PKD2L2: variants seen among roughly 807,000 people sequenced by gnomAD.
PKD2L2 encodes polycystin 2 like 2, transient receptor potential cation channel, also known as polycystin-2-like protein 2.
A neutral mutation model predicts 83.9 loss-of-function variants in PKD2L2; 67 were observed. The ratio of observed to expected loss-of-function variants is 0.80; its 90% CI spans 0.66 to 0.98. The LOEUF (loss-of-function observed/expected upper bound fraction) is 0.98, where lower values mean the gene tolerates loss of function less well. PKD2L2 is among the 50% of genes least tolerant of loss of function. The pLI, the probability that PKD2L2 is intolerant of heterozygous loss-of-function variation, is 0.00. For synonymous variants in PKD2L2, 223 were observed against 237.8 expected, an observed-to-expected ratio of 0.94 and a Z score of 0.57; for missense variants, 632 against 717.2, an observed-to-expected ratio of 0.88 and a Z score of 1.36.
intron 14 of PKD2L2, among the ~76,000 whole-genome samples, chr5:137,941,090 G>A (rs1455003842): frequency 1.3e-5 from 2 of 151,742 alleles, no homozygotes; most frequent in Non-Finnish European, 1.5e-5. Context: ...TGTATTTTTC[G>A]GTAGAGACAG....
At chr5:137,891,306 CA>C (rs537336901) in intron 2 of PKD2L2, among the ~76,000 whole-genome samples, 102 of 152,042 alleles carry the variant, frequency 6.7e-4, no homozygotes, top group Middle Eastern at 3.4e-3. Context: ...ATTGAAAAGA[CA>C]ACTATAAAAT....
chr5:137,903,063 A>G (rs1231601426), intron 5 of PKD2L2, among the ~76,000 whole-genome samples: 1 of 152,234 alleles, frequency 6.6e-6, no homozygotes, highest in African/African-American at 2.4e-5. Flanking sequence ...ATGTGTTTAC[A>G]GAGTTCAGTT....
intron 5 of PKD2L2, among the ~76,000 whole-genome samples, chr5:137,902,468 A>G (rs565258971): frequency 5.4e-4 from 82 of 152,108 alleles, no homozygotes; most frequent in African/African-American, 1.9e-3. Context: ...GTATGAGGGC[A>G]ACTAGGATAA....
Position 137,892,619 on chromosome 5 carries a change from G to T in PKD2L2, c.267+6G>T. 6.2e-7 allele frequency: 1 copy of T among 1,610,138 alleles called. No individual in the cohort carries two copies. Among genetic ancestry groups the T allele is most frequent in the Non-Finnish European group, 8.5e-7 (1 of 1,178,646 alleles). On this transcript the variant is annotated splice_donor_region_variant and intron_variant, in intron 3 of 14. Coordinates refer to ENST00000508883, the MANE Select transcript of PKD2L2 (RefSeq NM_001300921.2). ...GCATAACTGATTTTTGGAAGGTAAA[G>T]TATCTTGTGACTGTGGATGAAGTAG... is the stretch of plus-strand genomic sequence containing the variant.
chr5:137,940,359 A>C (rs754736588), intron 14 of PKD2L2: 2 of 1,580,464 alleles, frequency 1.3e-6, no homozygotes, highest in South Asian at 2.3e-5. Flanking sequence ...CTAGGGGAGA[A>C]AATAAAATTT....
rs1580954247 is a variant in PKD2L2, at chr5:137,917,286, T to A, written c.1329-4350T>A. ...TTCAAGCAATTCTCCTGTCTCAGTC[T>A]CCTGAGTAGCTGGGAATACAGGCAT... On this transcript the variant is annotated intron_variant, in intron 8 of 14. Coordinates refer to ENST00000508883, the MANE Select transcript of PKD2L2 (RefSeq NM_001300921.2). Among the ~76,000 whole-genome samples the A allele has an allele frequency of 4.0e-5, 6 of 151,882 alleles. No homozygotes were observed. In the East Asian group the frequency reaches 1.2e-3, roughly 30 times the overall value.
intron 1 of PKD2L2, chr5:137,889,888 G>A (rs939357911): frequency 1.5e-5 from 4 of 275,472 alleles, no homozygotes; most frequent in African/African-American, 8.8e-5. Context: ...TTCCCAAGAA[G>A]CTGTATTGAG....
At chr5:137,890,260 C>T in intron 1 of PKD2L2, 1 of 354,274 alleles carries the variant, frequency 2.8e-6, no homozygotes, top group Non-Finnish European at 5.1e-6. Context: ...TCCAGCCTGG[C>T]GACAGAGCTA....
intron 12 of PKD2L2, among the ~76,000 whole-genome samples, chr5:137,926,441 G>A (rs1490613260): frequency 1.3e-5 from 2 of 151,972 alleles, no homozygotes; most frequent in Non-Finnish European, 2.9e-5. Flanking sequence ...GAAGGCAGCA[G>A]AATCAGGAGA....
At chr5:137,915,089 T>C (rs1758202616) in intron 8 of PKD2L2, among the ~76,000 whole-genome samples, 1 of 152,220 alleles carries the variant, frequency 6.6e-6, no homozygotes, top group Admixed American at 6.5e-5. Flanking sequence ...TTTCTTTTCC[T>C]GTACTGTCTT....
At chr5:137,895,318 A>T (rs1189408228) in intron 4 of PKD2L2, among the ~76,000 whole-genome samples, 1 of 151,928 alleles carries the variant, frequency 6.6e-6, no homozygotes. Flanking sequence ...AAATTTAAAA[A>T]TTAGCCAGGT....
At chr5:137,924,604 G>A (rs190698135) in intron 10 of PKD2L2, among the ~76,000 whole-genome samples, 1 of 152,264 alleles carries the variant, frequency 6.6e-6, no homozygotes, top group African/African-American at 2.4e-5. Context: ...GGTCCTAGTA[G>A]CTGCAGGGTT....
Position 137,917,162 on chromosome 5 carries a change from C to CTTTTTTTT in PKD2L2, c.1329-4464_1329-4457dup, listed in dbSNP as rs34636933. 1.2e-4 allele frequency among the ~76,000 whole-genome samples: 15 copies of CTTTTTTTT among 127,196 alleles called. 1 individual carries two copies. The highest frequency in any genetic ancestry group is 1.7e-4 in the Admixed American group (2 of 11,478). The allele number at this position is 127,196 out of a possible 152,430, so 83.4% of individuals were successfully genotyped here. On this transcript the variant is annotated intron_variant, in intron 8 of 14. Coordinates refer to ENST00000508883, the MANE Select transcript of PKD2L2 (RefSeq NM_001300921.2). ...GGTCTCTTGGTATCTGTTCACTTTT[C>CTTTTTTTT]TTTTTTTTTTTTTTTTTGAGATGGG...
At chr5:137,929,534 C>CAAAA (rs756601170) in intron 12 of PKD2L2, among the ~76,000 whole-genome samples, 52 of 3,430 alleles carry the variant, frequency 0.015, 9 homozygotes, top group Middle Eastern at 1. Context: ...ACAAAATTGC[C>CAAAA]AAAAAAAAAA....
intron 8 of PKD2L2, among the ~76,000 whole-genome samples, chr5:137,917,162 CT>C (rs34636933): frequency 0.015 from 1,916 of 127,150 alleles, 24 homozygotes; most frequent in African/African-American, 0.052. Flanking sequence ...GTTCACTTTT[CT>C]TTTTTTTTTT....
chr5:137,936,969 T>A (rs1051978273), intron 14 of PKD2L2, among the ~76,000 whole-genome samples: 4 of 152,202 alleles, frequency 2.6e-5, no homozygotes, highest in African/African-American at 9.7e-5. Context: ...TATTATCAAA[T>A]TCTAGAAAAG....
chr5:137,897,487 A>C (rs1447965326), intron 4 of PKD2L2, among the ~76,000 whole-genome samples: 1 of 152,250 alleles, frequency 6.6e-6, no homozygotes, highest in African/African-American at 2.4e-5. Flanking sequence ...CCAAATTCTC[A>C]TAACAAGTAC....
Position 137,899,604 on chromosome 5 carries a change from T to C in PKD2L2, c.613T>C (p.Ser205Pro), listed in dbSNP as rs1756787168. The change falls in exon 5 of 15, where the codon TCA becomes CCA. Residue 205 changes from serine (S) to proline (P), a missense_variant. This residue lies in a region of PKD2L2 where 229 missense variants were observed against 281.5 expected (regional missense o/e 0.81). Transcript: ENST00000508883. Reference protein sequence around the residue: ...YRNGGYIFTLSKSKSETKNKF... With the variant: ...YRNGGYIFTLPKSKSETKNKF... ...AAATGGGGGATACATTTTCACTTTATCAAAATCGAAATCTGAAACCAAAAA... is the reference window on the plus strand; with the variant it reads ...AAATGGGGGATACATTTTCACTTTACCAAAATCGAAATCTGAAACCAAAAA... The C allele has an allele frequency of 6.2e-7, 1 of 1,613,926 alleles. No homozygotes were observed. Among genetic ancestry groups the C allele is most frequent in the South Asian group, 1.1e-5 (1 of 91,080 alleles).
chr5:137,942,730 G>T lies in PKD2L2; in HGVS notation c.*364G>T. The T allele has an allele frequency of 1.6e-6, 1 of 623,904 alleles. No individual in the cohort carries two copies. The highest frequency in any genetic ancestry group is 2.6e-6 in the Non-Finnish European group (1 of 385,758). The allele number at this position is 623,904 out of a possible 1,614,324, so 38.6% of individuals were successfully genotyped here. On this transcript the variant is annotated 3_prime_UTR_variant, in exon 15 of 15. Transcript: ENST00000508883. ...AAAATGGGAATGACAATAAATATTT[G>T]CAAATCACACTTGAAAAGCATGTGT...
Sources: gnomAD v4.1 joint callset for allele counts (sites outside exome capture counted in the v4.1 genomes callset) on GRCh38, gnomAD v4.1.1 for gene constraint, gnomAD v4.1.1 regional missense constraint, MANE v1.5 for transcripts, NCBI Gene and HGNC (gene_info 2026-07-23, HGNC 2026-07-21) for gene names.